Variants in CPAMD8 observed in about 807,000 individuals in gnomAD.
CPAMD8 encodes the protein C3 and PZP like alpha-2-macroglobulin domain containing 8, also known as C3 and PZP-like alpha-2-macroglobulin domain-containing protein 8.
Under a neutral mutation model 224.7 loss-of-function variants are expected in CPAMD8, and 146 were observed. The ratio of observed to expected loss-of-function variants is 0.65; its 90% CI spans 0.57 to 0.75. The LOEUF is 0.75. Among genes scored for constraint, CPAMD8 ranks in the 30% least tolerant of loss-of-function variants. CPAMD8 has a pLI of 0.00. For missense variants in CPAMD8, 2,301 were observed against 2,537.5 expected (o/e 0.91, Z 2.00); for synonymous variants, 966 against 1,044.6 (o/e 0.92, Z 1.45).
Position 16,945,543 on chromosome 19 carries a change from C to G in CPAMD8, c.2793+6G>C. On this transcript the variant is annotated splice_donor_region_variant and intron_variant, in intron 22 of 41. Transcript: ENST00000443236. Reference sequence around the variant, plus strand: ...CTAAGCACCAGAGATGAGGACACGGCCTTACCTCAACCATCACACTGCGCC... The same window carrying G: ...CTAAGCACCAGAGATGAGGACACGGGCTTACCTCAACCATCACACTGCGCC... 1 of 1,613,722 alleles carries G rather than the reference C, an allele frequency of 6.2e-7. No homozygotes were observed.
intron 18 of CPAMD8, among the ~76,000 whole-genome samples, chr19:16,969,186 C>T (rs1190326130): frequency 6.6e-6 from 1 of 152,222 alleles, no homozygotes; most frequent in African/African-American, 2.4e-5. Flanking sequence ...TCATTTTCTT[C>T]TCTCTTCCAT....
intron 1 of CPAMD8, 46 bp from the exon 2 acceptor site, chr19:17,022,227 G>A: frequency 6.3e-7 from 1 of 1,582,706 alleles, no homozygotes; most frequent in Non-Finnish European, 8.6e-7. Context: ...CCAGACCCCT[G>A]GTCTCGCTGC....
rs11307564 is a variant in CPAMD8, at chr19:17,019,953, CTT to C, written c.267+376_267+377del. ...TCTCTTATTCCATCCCAATTCAATT[CTT>C]TTTTTTTTTTCTTTTCTTTTTTTTT... On this transcript the variant is annotated intron_variant, in intron 3 of 41. Transcript: ENST00000443236. Among the ~76,000 whole-genome samples the C allele has an allele frequency of 2.9e-3, 354 of 123,256 alleles. 2 individuals carry two copies. The highest frequency in any genetic ancestry group is 9.6e-3 in the African/African-American group (313 of 32,746). 80.9% of individuals were successfully genotyped at this position (123,256 alleles called of 152,430 possible). A position where few individuals can be genotyped will look rare whatever the true frequency, so the allele number is the denominator to read the frequency against.
intron 12 of CPAMD8, among the ~76,000 whole-genome samples, chr19:16,991,287 G>C (rs146245847): frequency 6.6e-5 from 10 of 152,234 alleles, no homozygotes; most frequent in Non-Finnish European, 1.3e-4. Flanking sequence ...TTTTGCTATG[G>C]TAAAGCTGTA....
At chr19:17,025,831 C>G (rs542471763) in intron 1 of CPAMD8, among the ~76,000 whole-genome samples, 2 of 152,266 alleles carry the variant, frequency 1.3e-5, no homozygotes, top group South Asian at 4.1e-4. Flanking sequence ...CTGTGACCAG[C>G]AAGGACCAAC....
chr19:16,916,893 C>T (rs2052981903), intron 27 of CPAMD8, among the ~76,000 whole-genome samples: 1 of 152,314 alleles, frequency 6.6e-6, no homozygotes, highest in African/African-American at 2.4e-5. Context: ...GGCTCCCAGG[C>T]TCATCCCCAC....
intron 20 of CPAMD8, among the ~76,000 whole-genome samples, chr19:16,949,053 G>C (rs188714729): frequency 1.4e-5 from 2 of 141,834 alleles, no homozygotes; most frequent in Non-Finnish European, 3.1e-5. Flanking sequence ...AGGACGGGAG[G>C]GGGGGAGGGA....
chr19:16,896,058 G>T (rs770080467), intron 41 of CPAMD8, 118 bp downstream of exon 41: 8 of 1,129,140 alleles, frequency 7.1e-6, no homozygotes, highest in Middle Eastern at 2.2e-4. Context: ...CACTGCCAGT[G>T]GGGGGTCGGG....
At chr19:16,966,530 G>GAAA (rs998598336) in intron 18 of CPAMD8, among the ~76,000 whole-genome samples, 75 of 152,270 alleles carry the variant, frequency 4.9e-4, no homozygotes, top group African/African-American at 1.7e-3. Flanking sequence ...CATGGCAAAA[G>GAAA]AAACTACCAT....
intron 22 of CPAMD8, among the ~76,000 whole-genome samples, chr19:16,944,511 G>T (rs10421434): frequency 0.3 from 45,841 of 152,004 alleles, 8,336 homozygotes; most frequent in African/African-American, 0.51. Flanking sequence ...TCTGCAGCTC[G>T]GAGGGGCTCG....
intron 19 of CPAMD8, among the ~76,000 whole-genome samples, chr19:16,952,670 C>T (rs767753005): frequency 6.6e-6 from 1 of 151,846 alleles, no homozygotes; most frequent in African/African-American, 2.4e-5. Context: ...GAGTGAGATC[C>T]CTGTCACACA....
intron 18 of CPAMD8, among the ~76,000 whole-genome samples, chr19:16,961,237 G>A (rs901556498): frequency 4.6e-5 from 7 of 152,222 alleles, no homozygotes; most frequent in Non-Finnish European, 1.0e-4. Flanking sequence ...AGCACAAGGG[G>A]TCAGGGGATT....
intron 17 of CPAMD8, chr19:16,971,262 G>T (rs958917136): frequency 9.6e-6 from 4 of 416,476 alleles, no homozygotes; most frequent in Non-Finnish European, 1.3e-5. Flanking sequence ...GTGCAGTGGC[G>T]CAATCTTGGC....
intron 6 of CPAMD8, 87 bp downstream of exon 6, chr19:17,009,216 G>C: frequency 6.2e-7 from 1 of 1,610,048 alleles, no homozygotes; most frequent in Non-Finnish European, 8.5e-7. Context: ...CCAGAAGGCA[G>C]ACAGTGAGCG....
At chr19:16,894,130 G>T (rs1240070401) in intron 41 of CPAMD8, 2 of 218,150 alleles carry the variant, frequency 9.2e-6, no homozygotes, top group South Asian at 6.5e-5. Flanking sequence ...CTCCAAGGCT[G>T]GGGGGTTGGG....
At chr19:16,975,338 TC>T in intron 16 of CPAMD8, 80 bp from the exon 17 acceptor site, 1 of 1,133,094 alleles carries the variant, frequency 8.8e-7, no homozygotes, top group East Asian at 2.6e-5. Context: ...TGTGGCATGC[TC>T]CCATCCCAAC....
chr19:16,909,622 G>A (rs2052649007), intron 29 of CPAMD8, among the ~76,000 whole-genome samples: 1 of 151,952 alleles, frequency 6.6e-6, no homozygotes, highest in Admixed American at 6.6e-5. Context: ...GCCCATGCCT[G>A]TAATCCCAGC....
intron 13 of CPAMD8, among the ~76,000 whole-genome samples, chr19:16,984,255 A>G (rs1173747575): frequency 6.7e-6 from 1 of 148,894 alleles, no homozygotes; most frequent in Non-Finnish European, 1.5e-5. Context: ...GTTGAGCTGC[A>G]GTGAGCTATG....
At position 16,904,334 on chromosome 19, in the gene CPAMD8, G is replaced by C. The variant is rs1302981707; in HGVS notation, c.4143C>G (p.Ala1381=). The stretch of plus-strand genomic sequence containing the variant: ...GCAGAGTGTAGGTCAGAAGGGCGTA[G>C]GCTGTCATTTCCACCTCGGCCGAGA... The part of the protein sequence containing the change: ...SVVSAEVEMT[A]YALLTYTLLG... Residue 1381 remains alanine, a synonymous_variant, in exon 32 of 42, where the codon GCC becomes GCG. Coordinates refer to ENST00000443236, the MANE Select transcript of CPAMD8 (RefSeq NM_015692.5). The C allele has an allele frequency of 6.2e-7, 1 of 1,613,750 alleles. No individual in the cohort carries two copies.
Sources: gnomAD v4.1 joint callset for allele counts (sites outside exome capture counted in the v4.1 genomes callset) on GRCh38, gnomAD v4.1.1 for gene constraint, MANE v1.5 for transcripts, NCBI Gene and HGNC (gene_info 2026-07-23, HGNC 2026-07-21) for gene names.